Variants in MARCHF11 observed in about 807,000 individuals in gnomAD.
MARCHF11 encodes E3 ubiquitin-protein ligase MARCHF11.
A neutral mutation model predicts 37.3 loss-of-function variants in MARCHF11; 29 were observed. The observed-to-expected ratio is 0.78, with a 90% CI of 0.58 to 1.06. MARCHF11 has a LOEUF of 1.06. MARCHF11 is among the 50% of genes least tolerant of loss of function. The pLI is 0.00. For synonymous variants in MARCHF11, 233 were observed against 228.0 expected (o/e 1.02, Z -0.20); for missense variants, 482 against 533.4 (o/e 0.90, Z 0.95).
chr5:16,143,665 G>A (rs564639084), intron 2 of MARCHF11, among the ~76,000 whole-genome samples: 1 of 152,226 alleles, frequency 6.6e-6, no homozygotes, highest in African/African-American at 2.4e-5. Context: ...CTCTGATTCT[G>A]TCTTTCTGCC....
intron 3 of MARCHF11, among the ~76,000 whole-genome samples, chr5:16,088,006 C>A (rs1459365257): frequency 2.0e-5 from 3 of 152,100 alleles, no homozygotes; most frequent in East Asian, 1.9e-4. Context: ...TAGGTAGAAC[C>A]AAGTTTGGAA....
rs1023099199 is a variant in MARCHF11, at chr5:16,179,195, G to T, written c.381C>A (p.Gly127=). 2 of 1,340,316 alleles carry T rather than the reference G, an allele frequency of 1.5e-6. No individual in the cohort carries two copies. Among genetic ancestry groups the T allele is most frequent in the Admixed American group, 4.0e-5 (1 of 25,296 alleles). 83.0% of individuals were successfully genotyped at this position (1,340,316 alleles called of 1,614,324 possible). A position where few individuals can be genotyped will look rare whatever the true frequency, so the allele number is the denominator to read the frequency against. Residue 127 remains glycine, a synonymous_variant, in exon 1 of 4, where the codon GGC becomes GGA. Coordinates refer to ENST00000332432, the MANE Select transcript of MARCHF11 (RefSeq NM_001102562.3). ...GGPGESEAGA[G]GERERRGAGD... is the part of the protein sequence containing the mutation. ...CGGCGCCCCGCCGCTCGCGCTCGCC[G>T]CCCGCGCCGGCCTCAGACTCCCCGG...
At chr5:16,069,389 T>G (rs750856231) in intron 3 of MARCHF11, among the ~76,000 whole-genome samples, 1 of 152,128 alleles carries the variant, frequency 6.6e-6, no homozygotes, top group Non-Finnish European at 1.5e-5. Flanking sequence ...GGGAAGTGGC[T>G]TCAAAGAGGG....
chr5:16,157,393 T>G (rs1737995521), intron 2 of MARCHF11, among the ~76,000 whole-genome samples: 2 of 152,022 alleles, frequency 1.3e-5, no homozygotes, highest in Non-Finnish European at 2.9e-5. Context: ...AAAGCAATCC[T>G]GAGAAAAAAG....
intron 2 of MARCHF11, among the ~76,000 whole-genome samples, chr5:16,109,631 A>G (rs1737104250): frequency 6.6e-6 from 1 of 152,210 alleles, no homozygotes; most frequent in Non-Finnish European, 1.5e-5. Flanking sequence ...GAACCATTCT[A>G]GCTAACAACT....
chr5:16,178,891 T>G, intron 1 of MARCHF11, 148 bp downstream of exon 1: 18 of 920,402 alleles, frequency 2.0e-5, no homozygotes, highest in South Asian at 2.8e-5. Flanking sequence ...GGGGAAGGCA[T>G]ATTGGAGCCA....
At chr5:16,176,212 T>A (rs978176446) in intron 2 of MARCHF11, among the ~76,000 whole-genome samples, 14 of 152,092 alleles carry the variant, frequency 9.2e-5, no homozygotes, top group African/African-American at 3.4e-4. Flanking sequence ...TTGCCATAAG[T>A]TCAAGCTCTT....
intron 2 of MARCHF11, among the ~76,000 whole-genome samples, chr5:16,135,975 T>G (rs139994282): frequency 6.6e-6 from 1 of 150,428 alleles, no homozygotes; most frequent in Non-Finnish European, 1.5e-5. Flanking sequence ...CAAAATGATG[T>G]GGGAAGATCT....
intron 2 of MARCHF11, among the ~76,000 whole-genome samples, chr5:16,160,237 TTA>T (rs1005311015): frequency 3.4e-5 from 5 of 146,886 alleles, no homozygotes; most frequent in African/African-American, 1.2e-4. Flanking sequence ...CTTTTATATT[TTA>T]TATCTTTTAT....
chr5:16,128,135 T>C (rs1737448042), intron 2 of MARCHF11, among the ~76,000 whole-genome samples: 1 of 152,176 alleles, frequency 6.6e-6, no homozygotes, highest in South Asian at 2.1e-4. Flanking sequence ...ATCTGCTTCC[T>C]ATCAGGGCTG....
Position 16,167,179 on chromosome 5 carries a change from T to C in MARCHF11, c.693+10547A>G, listed in dbSNP as rs571464777. ...ACACGTGTGTGTGTGTGTGTGTGTG[T>C]GTGTAAGAGAGTAATTATAAGGAAT... is the stretch of plus-strand genomic sequence containing the variant. On this transcript the variant is annotated intron_variant, in intron 2 of 3. Coordinates refer to ENST00000332432, the MANE Select transcript of MARCHF11 (RefSeq NM_001102562.3). Among the ~76,000 whole-genome samples the C allele has an allele frequency of 4.5e-3, 684 of 151,796 alleles. 1 individual carries two copies. Among genetic ancestry groups the C allele is most frequent in the Non-Finnish European group, 7.0e-3 (474 of 67,816 alleles).
intron 2 of MARCHF11, among the ~76,000 whole-genome samples, chr5:16,116,590 A>G (rs1269922680): frequency 6.6e-6 from 1 of 152,186 alleles, no homozygotes; most frequent in East Asian, 1.9e-4. Context: ...TGACAGAGTA[A>G]AAAGATGCCA....
chr5:16,168,583 AG>A (rs1171850535), intron 2 of MARCHF11, among the ~76,000 whole-genome samples: 1 of 152,154 alleles, frequency 6.6e-6, no homozygotes, highest in Non-Finnish European at 1.5e-5. Flanking sequence ...TTCTGCTTCC[AG>A]GGGAAGAAAG....
At chr5:16,100,834 A>G (rs1314573490) in intron 2 of MARCHF11, among the ~76,000 whole-genome samples, 1 of 152,246 alleles carries the variant, frequency 6.6e-6, no homozygotes, top group Non-Finnish European at 1.5e-5. Flanking sequence ...AGTTAACAAC[A>G]GCAACAACTA....
chr5:16,084,989 A>AGTGTGTGT (rs530675511), intron 3 of MARCHF11, among the ~76,000 whole-genome samples: 3,379 of 128,726 alleles, frequency 0.026, 114 homozygotes, highest in African/African-American at 0.091. Flanking sequence ...CAGGGATCAG[A>AGTGTGTGT]GTGAGTGTGT....
rs145560569 is a variant in MARCHF11, at chr5:16,169,695, G to T, written c.693+8031C>A. ...TATGAGTTATTCTCACAGGGAAGAT[G>T]TTGTCAGATATCCAAGGATACAGAA... On this transcript the variant is annotated intron_variant, in intron 2 of 3. Coordinates refer to ENST00000332432, the MANE Select transcript of MARCHF11 (RefSeq NM_001102562.3). 3.4e-3 allele frequency among the ~76,000 whole-genome samples: 523 copies of T among 152,240 alleles called. 3 individuals carry two copies. The highest frequency in any genetic ancestry group is 0.012 in the African/African-American group (490 of 41,564).
intron 2 of MARCHF11, among the ~76,000 whole-genome samples, chr5:16,174,937 G>GA (rs1180726096): frequency 6.6e-6 from 1 of 152,204 alleles, no homozygotes; most frequent in Non-Finnish European, 1.5e-5. Flanking sequence ...GAATGCAGTA[G>GA]ATGGTGAACC....
intron 2 of MARCHF11, among the ~76,000 whole-genome samples, chr5:16,133,345 C>G (rs1737550920): frequency 2.6e-5 from 4 of 152,070 alleles, no homozygotes; most frequent in Admixed American, 2.6e-4. Flanking sequence ...GGAGAGAGAG[C>G]CCAGTTGCCC....
intron 2 of MARCHF11, among the ~76,000 whole-genome samples, chr5:16,101,778 CT>C (rs1160923726): frequency 6.6e-6 from 1 of 152,202 alleles, no homozygotes; most frequent in Non-Finnish European, 1.5e-5. Context: ...TTCAACCTTG[CT>C]TTTGGAGCAG....
Sources: allele counts gnomAD v4.1 joint callset (sites outside exome capture counted in the v4.1 genomes callset), GRCh38; gene constraint gnomAD v4.1.1; transcripts MANE v1.5; gene names NCBI Gene and HGNC (gene_info 2026-07-23, HGNC 2026-07-21).